MUC13: variants seen among roughly 807,000 people sequenced by gnomAD.
MUC13 encodes mucin-13.
Under a neutral mutation model 48.3 loss-of-function variants are expected in MUC13, and 32 were observed. The ratio of observed to expected loss-of-function variants is 0.66; its 90% CI spans 0.50 to 0.89. The LOEUF (loss-of-function observed/expected upper bound fraction) is 0.89. MUC13 is among the 40% of genes least tolerant of loss of function. The pLI is 0.00. For missense variants in MUC13, 571 were observed against 622.8 expected, an observed-to-expected ratio of 0.92 and a Z score of 0.88; for synonymous variants, 199 against 224.9, an observed-to-expected ratio of 0.88 and a Z score of 1.03.
chr3:124,932,447 TC>T lies in MUC13; in HGVS notation c.52+2213del, dbSNP rs200763662. Among the ~76,000 whole-genome samples the T allele has an allele frequency of 4.7e-3, 711 of 151,862 alleles. 12 individuals are homozygous for T. Among genetic ancestry groups the T allele is most frequent in the African/African-American group, 0.017 (688 of 41,396 alleles). ...CAGGTGTGGTGGCAGGTGCCTGTAATCCCAGCTAGTCTGGAGGCTGAGGCAG... is the reference window on the plus strand; with the variant it reads ...CAGGTGTGGTGGCAGGTGCCTGTAATCCAGCTAGTCTGGAGGCTGAGGCAG... On this transcript the variant is annotated intron_variant, in intron 1 of 11. Coordinates refer to ENST00000616727, the MANE Select transcript of MUC13 (RefSeq NM_033049.4).
intron 5 of MUC13, among the ~76,000 whole-genome samples, chr3:124,919,674 T>C (rs1375921115): frequency 6.6e-6 from 1 of 152,194 alleles, no homozygotes; most frequent in African/African-American, 2.4e-5. Context: ...CAATTGCTAA[T>C]TTCTTGAGAA....
intron 8 of MUC13, among the ~76,000 whole-genome samples, chr3:124,912,781 C>CA (rs2080063910): frequency 1.4e-4 from 22 of 151,804 alleles, no homozygotes. Context: ...ACTAAAAATA[C>CA]AAAAATTAGC....
chr3:124,915,925 A>T (rs1448315601), intron 6 of MUC13, among the ~76,000 whole-genome samples: 1 of 152,188 alleles, frequency 6.6e-6, no homozygotes. Flanking sequence ...GAATCCGCCC[A>T]TCTCAGCCTT....
chr3:124,927,138 C>T (rs1935702941), intron 2 of MUC13, among the ~76,000 whole-genome samples: 1 of 152,128 alleles, frequency 6.6e-6, no homozygotes, highest in African/African-American at 2.4e-5. Context: ...CTTAGGTAGA[C>T]CAGAGAGCTA....
intron 3 of MUC13, among the ~76,000 whole-genome samples, chr3:124,922,855 T>G (rs1165109000): frequency 2.0e-5 from 3 of 152,014 alleles, no homozygotes. Context: ...GTTATTGGAC[T>G]TAGTGCTTTT....
rs1334387312 is a variant in MUC13 at position 124,920,238 on chromosome 3, C to T, written c.796G>A (p.Val266Ile). ...SVYGQTVILT[V>I]STSLSPRSEM... ...AATTGTCCATAACAAACTTACCTTA[C>T]AGTAAGAATTACAGTCTGTCCATAA... Residue 266 changes from valine (V) to isoleucine (I), a missense_variant, in exon 5 of 12, where the codon GTA (valine) becomes ATA (isoleucine). Val to Ile is a conservative substitution (Grantham distance 29, BLOSUM62 3). Transcript: ENST00000616727. 6.2e-7 allele frequency: 1 copy of T among 1,605,114 alleles called. No individual in the cohort carries two copies. The highest frequency in any genetic ancestry group is 2.2e-5 in the East Asian group (1 of 44,794).
chr3:124,913,128 A>G lies in MUC13; in HGVS notation c.1197T>C (p.Ala399=). 6.2e-7 allele frequency: 1 copy of G among 1,613,964 alleles called. No homozygotes were observed. The highest frequency in any genetic ancestry group is 1.6e-4 in the Middle Eastern group (1 of 6,062). The change falls in exon 8 of 12, where the codon GCT becomes GCC. Residue 399 remains alanine (A), a synonymous_variant. Coordinates refer to ENST00000616727, the MANE Select transcript of MUC13 (RefSeq NM_033049.4). ...TTTCTTACTTTTGGCAGTTCCCATT[A>G]GCATCTTCCTGGTAGCCGGGCACGC... The part of the protein sequence containing the change: ...CACVPGYQED[A]NGNCQKCAFG...
rs10630030 is a variant in MUC13, at chr3:124,927,858, AAAG to A, written c.185_187del (p.Ser62del). 2.0e-3 allele frequency: 3,185 copies of A among 1,613,842 alleles called. 41 individuals carry two copies. In the African/African-American group the frequency reaches 0.035, roughly 18 times the overall value. On this transcript the variant is annotated inframe_deletion, in exon 2 of 12. Transcript: ENST00000616727. Reference sequence around the variant, plus strand: ...GGGAGCAGGTGAAGTAGCTGTTGGGAAAGAAGGTGTATTTGCTGTGGTGCTAGC... The same window carrying A: ...GGGAGCAGGTGAAGTAGCTGTTGGGAAAGGTGTATTTGCTGTGGTGCTAGC...
intron 5 of MUC13, among the ~76,000 whole-genome samples, chr3:124,917,186 A>G (rs1935524167): frequency 6.6e-6 from 1 of 152,126 alleles, no homozygotes; most frequent in Non-Finnish European, 1.5e-5. Context: ...CAGCTGTGCC[A>G]AGTTTAATTA....
At chr3:124,914,352 G>A (rs556448300) in intron 6 of MUC13, among the ~76,000 whole-genome samples, 7 of 152,180 alleles carry the variant, frequency 4.6e-5, no homozygotes, top group Non-Finnish European at 8.8e-5. Flanking sequence ...GGAGGTTGCA[G>A]TGAGCCGAGA....
chr3:124,918,780 C>G (rs1935546149), intron 5 of MUC13, among the ~76,000 whole-genome samples: 1 of 152,160 alleles, frequency 6.6e-6, no homozygotes, highest in Admixed American at 6.5e-5. Context: ...CTATTGTCCA[C>G]TAAACCAAAC....
At chr3:124,907,528 G>C (rs1449681680) in intron 11 of MUC13, among the ~76,000 whole-genome samples, 1 of 152,154 alleles carries the variant, frequency 6.6e-6, no homozygotes, top group Non-Finnish European at 1.5e-5. Flanking sequence ...TGAGGTAGGA[G>C]GATCACTTAA....
Position 124,913,555 on chromosome 3 carries a change from C to T in MUC13, c.1084+7G>A, listed in dbSNP as rs767326850. On this transcript the variant is annotated splice_region_variant and intron_variant, in intron 7 of 11. Coordinates refer to ENST00000616727, the MANE Select transcript of MUC13 (RefSeq NM_033049.4). ...GAAGAACATTTAGAAGCAGGTGAAA[C>T]ACTTACCAACGCAGAAAGGGCTCTG... The T allele has an allele frequency of 2.5e-6, 4 of 1,614,034 alleles. No individual in the cohort carries two copies. Among genetic ancestry groups the T allele is most frequent in the Admixed American group, 1.7e-5 (1 of 59,996 alleles).
At chr3:124,915,366 C>T (rs937755013) in intron 6 of MUC13, among the ~76,000 whole-genome samples, 16 of 152,212 alleles carry the variant, frequency 1.1e-4, no homozygotes, top group Non-Finnish European at 2.1e-4. Context: ...TAAGCAGAGA[C>T]TTGAGAAATA....
chr3:124,927,829 T>G lies in MUC13; in HGVS notation c.217A>C (p.Ile73Leu), dbSNP rs1935723168. ...FPTATSPAPPIISTHSSSTIP... is the reference protein window; with the variant it reads ...FPTATSPAPPLISTHSSSTIP... Reference sequence around the variant, plus strand: ...GTGGAGGAACTATGTGTACTAATTATGGGGGGAGCAGGTGAAGTAGCTGTT... The same window carrying G: ...GTGGAGGAACTATGTGTACTAATTAGGGGGGGAGCAGGTGAAGTAGCTGTT... Residue 73 changes from isoleucine to leucine, a missense_variant, in exon 2 of 12, where the codon ATA becomes CTA. Transcript: ENST00000616727. 4 of 1,614,070 alleles carry G rather than the reference T, an allele frequency of 2.5e-6. No homozygotes were observed. The highest frequency in any genetic ancestry group is 3.4e-6 in the Non-Finnish European group (4 of 1,179,996).
At chr3:124,917,287 T>C (rs373957775) in intron 5 of MUC13, among the ~76,000 whole-genome samples, 1 of 152,324 alleles carries the variant, frequency 6.6e-6, no homozygotes, top group Admixed American at 6.5e-5. Flanking sequence ...TTTGTCGCTC[T>C]GTGCTTTTAA....
chr3:124,910,375 TAAA>T, intron 10 of MUC13, 37 bp downstream of exon 10: 1 of 1,378,928 alleles, frequency 7.3e-7, no homozygotes. Flanking sequence ...CATCTCTCTA[TAAA>T]AAAAAAAAAT....
At chr3:124,923,400 T>C (rs907320075) in intron 3 of MUC13, 127 bp downstream of exon 3, 19 of 1,012,586 alleles carry the variant, frequency 1.9e-5, no homozygotes, top group Middle Eastern at 2.9e-4. Context: ...TTTGCTGGCC[T>C]TTGTTGCCTC....
chr3:124,912,935 C>CAAAAAAA (rs1175714352), intron 8 of MUC13, among the ~76,000 whole-genome samples, 176 bp downstream of exon 8: 1 of 41,260 alleles, frequency 2.4e-5, no homozygotes, highest in Non-Finnish European at 5.0e-5. Context: ...GACTCCATCT[C>CAAAAAAA]AAAAAAAAAA....
Sources: allele counts gnomAD v4.1 joint callset (sites outside exome capture counted in the v4.1 genomes callset), GRCh38; gene constraint gnomAD v4.1.1; transcripts MANE v1.5; gene names NCBI Gene and HGNC (gene_info 2026-07-23, HGNC 2026-07-21).